The following PHYHD1 variants were observed in gnomAD, a reference collection of about 807,000 sequenced individuals.
The protein encoded by PHYHD1 is phytanoyl-CoA dioxygenase domain-containing protein 1.
In PHYHD1, 42 loss-of-function variants were observed where a neutral mutation model predicts 43.6. The observed-to-expected ratio is 0.96, with a 90% CI of 0.75 to 1.25. The LOEUF is 1.25. Ranked by LOEUF, PHYHD1 falls within the 50% of genes most tolerant of loss-of-function variation. The pLI is 0.00. For missense variants in PHYHD1, 342 were observed against 370.8 expected (o/e 0.92, Z 0.64); for synonymous variants, 139 against 143.6 (o/e 0.97, Z 0.23).
intron 5 of PHYHD1, 63 bp downstream of exon 5, chr9:128,933,920 T>A: frequency 6.2e-7 from 1 of 1,605,440 alleles, no homozygotes; most frequent in Middle Eastern, 1.7e-4. Context: ...GACCTGGGAA[T>A]CTGCCCCCTG....
At position 128,940,368 on chromosome 9, in the gene PHYHD1, G is replaced by A. The variant is rs1311970922; in HGVS notation, c.458-1G>A. The A allele has an allele frequency of 3.1e-6, 5 of 1,614,172 alleles. No homozygotes were observed. The highest frequency in any genetic ancestry group is 1.3e-5 in the African/African-American group (1 of 75,062). On this transcript the variant is annotated splice_acceptor_variant, in intron 9 of 12. Transcript: ENST00000372592. LOFTEE classifies it high-confidence loss of function. ...TCCTCACCCCCCGTGGGCCTGCTTA[G>A]TCTCCCCTCATCAGGACGCCTCCTT...
intron 4 of PHYHD1, among the ~76,000 whole-genome samples, chr9:128,927,537 G>A (rs547444174): frequency 5.3e-5 from 8 of 152,184 alleles, no homozygotes; most frequent in African/African-American, 1.4e-4. Flanking sequence ...CACCAGGCCC[G>A]GCTAATTTTT....
intron 4 of PHYHD1, among the ~76,000 whole-genome samples, chr9:128,932,163 A>ATTTTTTT (rs1564540363): frequency 4.0e-5 from 5 of 125,344 alleles, no homozygotes; most frequent in African/African-American, 1.7e-4. Flanking sequence ...TATTATTATT[A>ATTTTTTT]TTATTGTTAT....
Position 128,941,526 on chromosome 9 carries a change from T to C in PHYHD1, c.785T>C (p.Phe262Ser), listed in dbSNP as rs1185811171. 1 of 1,614,108 alleles carries C rather than the reference T, an allele frequency of 6.2e-7. No homozygotes were observed. Among genetic ancestry groups the C allele is most frequent in the Non-Finnish European group, 8.5e-7 (1 of 1,180,020 alleles). ...GACCGCTCGCGCCAGGCCTACACTT[T>C]CCACCTCATGGAGGCCTCTGGCACC... ...LSDRSRQAYT[F>S]HLMEASGTTW... Residue 262 changes from phenylalanine to serine, a missense_variant, in exon 12 of 13, where the codon TTC (phenylalanine) becomes TCC (serine). Phe to Ser is a radical substitution (Grantham distance 155). Coordinates refer to ENST00000372592, the MANE Select transcript of PHYHD1 (RefSeq NM_001100876.2).
chr9:128,937,100 G>A (rs1205526094), intron 8 of PHYHD1, among the ~76,000 whole-genome samples: 1 of 151,900 alleles, frequency 6.6e-6, no homozygotes, highest in Non-Finnish European at 1.5e-5. Context: ...GGGGGATAGA[G>A]CAAGGCTCCG....
In PHYHD1 at chr9:128,922,320, C is replaced by T. The variant is rs1299484858; in HGVS notation, c.-4C>T. ...AGAAGCCGCCCAGTGCCCTGAGCGTCTCCATGGCCTGCCTGAGCCCCTCGC... is the reference window on the plus strand; with the variant it reads ...AGAAGCCGCCCAGTGCCCTGAGCGTTTCCATGGCCTGCCTGAGCCCCTCGC... On this transcript the variant is annotated 5_prime_UTR_variant, in exon 3 of 13. Transcript: ENST00000372592. The T allele has an allele frequency of 2.6e-6, 4 of 1,551,152 alleles. No individual in the cohort carries two copies. Among genetic ancestry groups the T allele is most frequent in the Non-Finnish European group, 3.5e-6 (4 of 1,147,346 alleles).
rs1841574791 is a variant in PHYHD1 at position 128,941,920 on chromosome 9, C to A, written c.*207C>A. Reference sequence around the variant, plus strand: ...CTGCCTCCCTACTGCCCCAACATAGCCTTGAGGAGGCTTCTCAGCCACCAA... The same window carrying A: ...CTGCCTCCCTACTGCCCCAACATAGACTTGAGGAGGCTTCTCAGCCACCAA... On this transcript the variant is annotated 3_prime_UTR_variant, in exon 13 of 13. Coordinates refer to ENST00000372592, the MANE Select transcript of PHYHD1 (RefSeq NM_001100876.2). 4 of 642,592 alleles carry A rather than the reference C, an allele frequency of 6.2e-6. No individual in the cohort carries two copies. The Admixed American group carries it at 8.8e-5, about 14-fold the overall frequency. 39.8% of individuals were successfully genotyped at this position (642,592 alleles called of 1,614,324 possible).
At chr9:128,933,470 T>A (rs1439210142) in intron 4 of PHYHD1, among the ~76,000 whole-genome samples, 2 of 152,022 alleles carry the variant, frequency 1.3e-5, no homozygotes, top group African/African-American at 4.8e-5. Context: ...GATGAGAAAA[T>A]GAAGTCTTGG....
In PHYHD1 at chr9:128,933,790, A is replaced by G; in HGVS notation, c.201A>G (p.Thr67=). 1 of 1,614,164 alleles carries G rather than the reference A, an allele frequency of 6.2e-7. No individual in the cohort carries two copies. The highest frequency in any genetic ancestry group is 8.5e-7 in the Non-Finnish European group (1 of 1,179,986). ...EEEQLRAQGS[T]DYFLSSGDKI... ...ATGTCCCCTTTCCACAGGGCAGCAC[A>G]GACTATTTCTTGAGCAGTGGTGACA... The change falls in exon 5 of 13, where the codon ACA becomes ACG. Residue 67 remains threonine, a synonymous_variant. Transcript: ENST00000372592.
In PHYHD1 at chr9:128,940,690, C is replaced by A. The variant is rs781410727; in HGVS notation, c.678C>A (p.Leu226=). The A allele has an allele frequency of 6.2e-7, 1 of 1,613,750 alleles. No homozygotes were observed. Among genetic ancestry groups the A allele is most frequent in the South Asian group, 1.1e-5 (1 of 91,068 alleles). Residue 226 remains leucine, a synonymous_variant, in exon 11 of 13, where the codon CTC becomes CTA. Coordinates refer to ENST00000372592, the MANE Select transcript of PHYHD1 (RefSeq NM_001100876.2). ...CAGAGCCAGCCCGGGATAACAGCCT[C>A]TTTGTGCCCACCCCAGTGCAGAGAG... ...LGSEPARDNS[L]FVPTPVQRGA...
Position 128,932,884 on chromosome 9 carries a change from G to T in PHYHD1, c.193-898G>T, listed in dbSNP as rs1407193058. On this transcript the variant is annotated intron_variant, in intron 4 of 12. Coordinates refer to ENST00000372592, the MANE Select transcript of PHYHD1 (RefSeq NM_001100876.2). ...ATTTTTTGAGACAGAGTCTTGCTCT[G>T]TTGCCTAGGCCAGAGTGCAGTGGCC... is the stretch of plus-strand genomic sequence containing the variant. Among the ~76,000 whole-genome samples, 3 of 151,112 alleles carry T rather than the reference G, an allele frequency of 2.0e-5. No homozygotes were observed. The East Asian group carries it at 5.8e-4, about 29-fold the overall frequency.
chr9:128,932,149 CTAT>C (rs200910690), intron 4 of PHYHD1, among the ~76,000 whole-genome samples: 1 of 127,994 alleles, frequency 7.8e-6, no homozygotes. Context: ...GAAGTCAGTT[CTAT>C]TATTATTATT....
Position 128,921,013 on chromosome 9 carries a change from A to G in PHYHD1, c.-815A>G, listed in dbSNP as rs1344265835. Reference sequence around the variant, plus strand: ...AAGGCATCATTTTGGGGAAGGCAGCAGCCGGTTTTTCAGAGCCAGCGAGTG... The same window carrying G: ...AAGGCATCATTTTGGGGAAGGCAGCGGCCGGTTTTTCAGAGCCAGCGAGTG... On this transcript the variant is annotated 5_prime_UTR_variant, in exon 1 of 13. Transcript: ENST00000372592. The G allele has an allele frequency of 6.6e-6, 1 of 152,282 alleles. No individual in the cohort carries two copies. Among genetic ancestry groups the G allele is most frequent in the Non-Finnish European group, 1.5e-5 (1 of 68,082 alleles). The allele number at this position is 152,282 out of a possible 1,614,324, so 9.4% of individuals were successfully genotyped here.
At chr9:128,941,309 T>C (rs1217283329) in intron 11 of PHYHD1, 136 bp from the exon 12 acceptor site, 3 of 1,215,808 alleles carry the variant, frequency 2.5e-6, no homozygotes, top group Non-Finnish European at 3.5e-6. Flanking sequence ...TGCAGATGCC[T>C]GAGCTTTCAG....
At chr9:128,937,306 T>G (rs1215408827) in intron 8 of PHYHD1, among the ~76,000 whole-genome samples, 2 of 151,942 alleles carry the variant, frequency 1.3e-5, no homozygotes, top group Non-Finnish European at 2.9e-5. Flanking sequence ...GGGAGGGTCA[T>G]CCCCAGGCCT....
At chr9:128,935,480 C>G (rs563856282) in intron 6 of PHYHD1, among the ~76,000 whole-genome samples, 1 of 148,674 alleles carries the variant, frequency 6.7e-6, no homozygotes, top group Non-Finnish European at 1.5e-5. Flanking sequence ...AAAAATTAGC[C>G]GGACCTTGTT....
intron 4 of PHYHD1, among the ~76,000 whole-genome samples, chr9:128,933,116 G>A (rs576582823): frequency 6.6e-4 from 97 of 147,096 alleles, no homozygotes; most frequent in African/African-American, 2.3e-3. Flanking sequence ...CTCCCAAAGT[G>A]CTGGGATTAC....
intron 3 of PHYHD1, among the ~76,000 whole-genome samples, chr9:128,922,716 A>G (rs1196905091): frequency 6.6e-6 from 1 of 152,242 alleles, no homozygotes; most frequent in Non-Finnish European, 1.5e-5. Flanking sequence ...TGTTCGTCCA[A>G]TCACAAAAGG....
rs762747886 is a variant in PHYHD1, at chr9:128,936,455, C to G, written c.324C>G (p.His108Gln). The G allele has an allele frequency of 3.1e-6, 5 of 1,612,306 alleles. No individual in the cohort carries two copies. The highest frequency in any genetic ancestry group is 3.3e-4 in the Middle Eastern group (2 of 6,058). Residue 108 changes from histidine to glutamine, a missense_variant, in exon 7 of 13, where the codon CAC (histidine) becomes CAG (glutamine). Coordinates refer to ENST00000372592, the MANE Select transcript of PHYHD1 (RefSeq NM_001100876.2). Reference sequence around the variant, plus strand: ...CTTCCTTCTGTCCCATAGCTCTGCACGCCCACGACCCCGTCTTCAAGAGCA... The same window carrying G: ...CTTCCTTCTGTCCCATAGCTCTGCAGGCCCACGACCCCGTCTTCAAGAGCA... ...KSINKIGHAL[H>Q]AHDPVFKSIT...
Sources: gnomAD v4.1 joint callset for allele counts (sites outside exome capture counted in the v4.1 genomes callset) on GRCh38, gnomAD v4.1.1 for gene constraint, MANE v1.5 for transcripts, NCBI Gene and HGNC (gene_info 2026-07-23, HGNC 2026-07-21) for gene names.